The following NBPF14 variants were observed in gnomAD, a reference collection of about 807,000 sequenced individuals.
NBPF14 encodes the protein NBPF family member NBPF14.
In NBPF14, 104 loss-of-function variants were observed where a neutral mutation model predicts 91.2. The observed-to-expected ratio is 1.14, with a 90% CI of 0.97 to 1.34. The LOEUF (loss-of-function observed/expected upper bound fraction) is 1.34. Ranked by LOEUF, NBPF14 falls within the 40% of genes most tolerant of loss-of-function variation. The pLI, the probability that NBPF14 is intolerant of heterozygous loss-of-function variation, is 0.00. For missense variants in NBPF14, 908 were observed against 783.0 expected (o/e 1.16, Z -1.91); for synonymous variants, 294 against 303.8 (o/e 0.97, Z 0.34).
chr1:148,539,283 A>G lies in NBPF14; in HGVS notation c.7882+127T>C, dbSNP rs1655497473. ...AGACTACAGTTTCTTTACAACCTATATGCGCCCATAGGTCCTGACTGCGGC... is the reference window on the plus strand; with the variant it reads ...AGACTACAGTTTCTTTACAACCTATGTGCGCCCATAGGTCCTGACTGCGGC... On this transcript the variant is annotated intron_variant, in intron 63 of 70. Transcript: ENST00000619423. 6.3e-6 allele frequency: 4 copies of G among 636,180 alleles called. No individual in the cohort carries two copies. In the East Asian group the frequency reaches 1.3e-4, roughly 21 times the overall value. The allele number at this position is 636,180 out of a possible 1,614,324, so 39.4% of individuals were successfully genotyped here.
chr1:148,533,378 A>G (rs1168107973), intron 70 of NBPF14, 130 bp from the exon 71 acceptor site: 1 of 569,248 alleles, frequency 1.8e-6, no homozygotes, highest in Non-Finnish European at 3.1e-6. Flanking sequence ...ATGAGGTAAA[A>G]AAAAAATTTA....
chr1:148,578,121 A>T, intron 13 of NBPF14, 87 bp from the exon 14 acceptor site: 1 of 717,466 alleles, frequency 1.4e-6, no homozygotes, highest in Middle Eastern at 3.8e-4. Context: ...ACACAGGGAC[A>T]TCAGTCTTGT....
chr1:148,534,015 T>A (rs1370508069), intron 69 of NBPF14, 46 bp from the exon 70 acceptor site: 1 of 675,954 alleles, frequency 1.5e-6, no homozygotes, highest in South Asian at 1.6e-5. Context: ...CTGATTCCCC[T>A]ACACACATAA....
intron 63 of NBPF14, among the ~76,000 whole-genome samples, chr1:148,539,036 A>G (rs1655448243): frequency 6.2e-5 from 1 of 16,140 alleles, no homozygotes; most frequent in East Asian, 1.4e-3. Flanking sequence ...GCCCTGTCTC[A>G]TCAAATGCCC....
Position 148,587,469 on chromosome 1 carries a change from A to G in NBPF14, c.989-66T>C. 30 of 1,462,706 alleles carry G rather than the reference A, an allele frequency of 2.1e-5. 3 individuals are homozygous for G. Among genetic ancestry groups the G allele is most frequent in the Non-Finnish European group, 2.6e-5 (28 of 1,058,450 alleles). The allele number at this position is 1,462,706 out of a possible 1,614,324, so 90.6% of individuals were successfully genotyped here. A position where few individuals can be genotyped will look rare whatever the true frequency, so the allele number is the denominator to read the frequency against. On this transcript the variant is annotated intron_variant, in intron 7 of 70. Coordinates refer to ENST00000619423, the Ensembl canonical transcript of NBPF14. ...ACATGCTGCTGTGGTCATTGCCTACAGGACAGGAGCCAGGTCCATCCCAAG... is the reference window on the plus strand; with the variant it reads ...ACATGCTGCTGTGGTCATTGCCTACGGGACAGGAGCCAGGTCCATCCCAAG...
Position 148,592,683 on chromosome 1 carries a change from C to A in NBPF14, c.362G>T (p.Arg121Leu). 5.0e-6 allele frequency: 8 copies of A among 1,588,154 alleles called. No homozygotes were observed. The South Asian group carries it at 5.6e-5, about 11-fold the overall frequency. The change falls in exon 4 of 71, where the codon CGC becomes CTC. Residue 121 changes from arginine to leucine, a missense_variant. By Grantham distance (102) the Arg-to-Leu change is moderately radical. This residue lies in a region of NBPF14 where 61 missense variants were observed against 56.4 expected (regional missense o/e 1.08). Coordinates refer to ENST00000619423, the Ensembl canonical transcript of NBPF14. The stretch of plus-strand genomic sequence containing the variant: ...GGCCTGGAGATGCTCATACAATGAG[C>A]GGGAGGCATCTCTCCCTTCCCGTAA...
At chr1:148,534,907 C>A (rs1553332585) in intron 68 of NBPF14, 51 bp from the exon 69 acceptor site, 1 of 719,334 alleles carries the variant, frequency 1.4e-6, no homozygotes, top group Non-Finnish European at 2.5e-6. Context: ...TCAGAAACCA[C>A]ACAGCCCCAG....
At chr1:148,594,027 C>A (rs1571069739) in intron 2 of NBPF14, among the ~76,000 whole-genome samples, 1 of 148,788 alleles carries the variant, frequency 6.7e-6, no homozygotes, top group East Asian at 2.0e-4. Flanking sequence ...TGCAGCCTCT[C>A]CTCTAAAACA....
chr1:148,589,877 C>T (rs1340924295), intron 6 of NBPF14, among the ~76,000 whole-genome samples: 4 of 147,528 alleles, frequency 2.7e-5, no homozygotes, highest in Non-Finnish European at 4.5e-5. Context: ...GGATTACAAG[C>T]GCCAAGTAAC....
At chr1:148,534,688 C>T (rs1250216053) in exon 69 of NBPF14, 4 of 814,248 alleles carry the variant, frequency 4.9e-6, no homozygotes, top group East Asian at 2.4e-5. Flanking sequence ...ACTCACTGTC[C>T]ACGTCAAGAG....
At chr1:148,534,610 C>A (rs1654670320) in intron 69 of NBPF14, 74 bp downstream of exon 69, 2 of 908,170 alleles carry the variant, frequency 2.2e-6, no homozygotes, top group East Asian at 2.4e-5. Context: ...GAGTAAGGGC[C>A]ACTTGGAATA....
Position 148,566,349 on chromosome 1 carries a change from G to A in NBPF14, c.3543-34C>T. 5 of 753,376 alleles carry A rather than the reference G, an allele frequency of 6.6e-6. 1 individual carries two copies. The highest frequency in any genetic ancestry group is 2.8e-5 in the East Asian group (1 of 36,270). The allele number at this position is 753,376 out of a possible 1,614,324, so 46.7% of individuals were successfully genotyped here. A position where few individuals can be genotyped will look rare whatever the true frequency, so the allele number is the denominator to read the frequency against. On this transcript the variant is annotated intron_variant, in intron 28 of 70. Coordinates refer to ENST00000619423, the Ensembl canonical transcript of NBPF14. ...GGAGGAAAAGGTAAAGAATAAGCCA[G>A]GGGAAATCAGACACAACAGAGCCTC...
At position 148,566,387 on chromosome 1, in the gene NBPF14, T is replaced by A. The variant is rs1295236666; in HGVS notation, c.3543-72A>T. 6.9e-6 allele frequency: 5 copies of A among 720,384 alleles called. 1 individual carries two copies. The highest frequency in any genetic ancestry group is 5.5e-5 in the East Asian group (2 of 36,500). The allele number at this position is 720,384 out of a possible 1,614,324, so 44.6% of individuals were successfully genotyped here. A position where few individuals can be genotyped will look rare whatever the true frequency, so the allele number is the denominator to read the frequency against. ...ACAACAGAGCCTCAACTAGGTTTCA[T>A]GGGTAGCATAGGGAAGTGGTTAAAA... On this transcript the variant is annotated intron_variant, in intron 28 of 70. Transcript: ENST00000619423.
chr1:148,534,944 C>T, intron 68 of NBPF14, 88 bp from the exon 69 acceptor site: 3 of 745,916 alleles, frequency 4.0e-6, no homozygotes, highest in East Asian at 2.5e-5. Flanking sequence ...ACATAAGGAA[C>T]AGTTTAAAAA....
At chr1:148,572,878 C>G (rs1229427497) in intron 20 of NBPF14, among the ~76,000 whole-genome samples, 2 of 24,620 alleles carry the variant, frequency 8.1e-5, no homozygotes, top group African/African-American at 6.0e-4. Context: ...AGGTGACATA[C>G]TGGTAAGGGA....
chr1:148,572,315 T>C, intron 21 of NBPF14, 128 bp downstream of exon 21: 1 of 234,382 alleles, frequency 4.3e-6, no homozygotes, highest in East Asian at 8.6e-5. Context: ...TTACAACCTA[T>C]ATGCGCCCAT....
At chr1:148,590,071 T>C (rs1312873252) in intron 6 of NBPF14, among the ~76,000 whole-genome samples, 3 of 116,206 alleles carry the variant, frequency 2.6e-5, no homozygotes, top group African/African-American at 9.9e-5. Flanking sequence ...TTTTTTGAGA[T>C]GGAGTCTCGC....
chr1:148,583,886 C>T (rs1223010193), intron 11 of NBPF14, among the ~76,000 whole-genome samples: 4 of 92,956 alleles, frequency 4.3e-5, no homozygotes, highest in Admixed American at 9.2e-5. Context: ...AAAAAATCCA[C>T]GATGCTACAA....
In NBPF14 at chr1:148,566,230, G is replaced by T. The variant is rs1327060695; in HGVS notation, c.3628C>A (p.Leu1210Ile). 42 of 597,924 alleles carry T rather than the reference G, an allele frequency of 7.0e-5. 5 individuals are homozygous for T. Among genetic ancestry groups the T allele is most frequent in the Non-Finnish European group, 9.7e-5 (33 of 339,398 alleles). 37.0% of individuals were successfully genotyped at this position (597,924 alleles called of 1,614,324 possible). A position where few individuals can be genotyped will look rare whatever the true frequency, so the allele number is the denominator to read the frequency against. ...GGCTGGCAGGAGTCAGGCTGTTCAAGACAACTGGAAGGAGTTGAATAACAT... is the reference window on the plus strand; with the variant it reads ...GGCTGGCAGGAGTCAGGCTGTTCAATACAACTGGAAGGAGTTGAATAACAT... Residue 1210 changes from leucine (L) to isoleucine (I), a missense_variant, in exon 29 of 71, where the codon CTT becomes ATT. By Grantham distance (5) the Leu-to-Ile change is conservative. Coordinates refer to ENST00000619423, the Ensembl canonical transcript of NBPF14.
Sources: gnomAD v4.1 joint callset for allele counts (sites outside exome capture counted in the v4.1 genomes callset) on GRCh38, gnomAD v4.1.1 for gene constraint, gnomAD v4.1.1 regional missense constraint, MANE v1.5 for transcripts, NCBI Gene and HGNC (gene_info 2026-07-23, HGNC 2026-07-21) for gene names.